DIO2: variants seen among roughly 807,000 people sequenced by gnomAD.
DIO2 encodes the protein iodothyronine deiodinase 2.
In DIO2, 19 loss-of-function variants were observed where a neutral mutation model predicts 21.4. The observed-to-expected ratio is 0.89, with a 90% CI of 0.62 to 1.30. The LOEUF (loss-of-function observed/expected upper bound fraction) is 1.30, where lower values mean the gene tolerates loss of function less well. DIO2 is among the 50% of genes most tolerant of loss of function. The probability of loss-of-function intolerance (pLI) is 0.00; values close to 1 mark genes in which losing one functional copy is unlikely to be tolerated. For synonymous variants in DIO2, 122 were observed against 132.9 expected, an observed-to-expected ratio of 0.92 and a Z score of 0.57; for missense variants, 302 against 338.1, an observed-to-expected ratio of 0.89 and a Z score of 0.84.
intron 2 of DIO2, among the ~76,000 whole-genome samples, chr14:80,220,825 C>T (rs938546447): frequency 6.6e-6 from 1 of 152,134 alleles, no homozygotes; most frequent in African/African-American, 2.4e-5. Flanking sequence ...CGGCTAGAGA[C>T]TTTGAGGATG....
intron 1 of DIO2, among the ~76,000 whole-genome samples, chr14:80,204,151 A>G (rs556178710): frequency 1.3e-5 from 2 of 152,050 alleles, no homozygotes; most frequent in Admixed American, 6.6e-5. Context: ...GGAGGCTTCT[A>G]CTGCCACTGC....
intron 1 of DIO2, among the ~76,000 whole-genome samples, chr14:80,205,198 C>CT (rs552212952): frequency 1.7e-3 from 247 of 148,062 alleles, no homozygotes; most frequent in African/African-American, 3.6e-3. Flanking sequence ...TTTTGTACTT[C>CT]TTTTTTTTTT....
chr14:80,214,977 C>T (rs1410923763), upstream of DIO2, among the ~76,000 whole-genome samples: 2 of 152,104 alleles, frequency 1.3e-5, no homozygotes, highest in East Asian at 3.9e-4. Context: ...AAGTGGTTTG[C>T]TAGTAATTTA....
In DIO2 at chr14:80,198,767, TA is replaced by T. The variant is rs1887587369; in HGVS notation, c.*3921del. ...AACTCTGACTTTTGGCCATACCATT[TA>T]GGGAAAAAAAAAAAAAAAAAAAAAC... On this transcript the variant is annotated 3_prime_UTR_variant, in exon 2 of 2. Coordinates refer to ENST00000438257, the MANE Select transcript of DIO2 (RefSeq NM_013989.5). The T allele has an allele frequency of 1.7e-5, 2 of 115,616 alleles. No individual in the cohort carries two copies. Among genetic ancestry groups the T allele is most frequent in the Admixed American group, 1.0e-4 (1 of 9,824 alleles). 7.2% of individuals were successfully genotyped at this position (115,616 alleles called of 1,614,324 possible).
chr14:80,226,455 T>C (rs193131355), intron 2 of DIO2, among the ~76,000 whole-genome samples: 2 of 152,302 alleles, frequency 1.3e-5, no homozygotes, highest in East Asian at 3.9e-4. Flanking sequence ...GCATGCAGGA[T>C]AGGCAAACTT....
At chr14:80,224,837 C>T (rs1888540171) in intron 2 of DIO2, among the ~76,000 whole-genome samples, 1 of 152,070 alleles carries the variant, frequency 6.6e-6, no homozygotes, top group Non-Finnish European at 1.5e-5. Flanking sequence ...CCTAGAGGGA[C>T]AGAACTAATA....
chr14:80,209,898 T>C (rs1888104911), intron 1 of DIO2, among the ~76,000 whole-genome samples: 1 of 152,274 alleles, frequency 6.6e-6, no homozygotes, highest in Non-Finnish European at 1.5e-5. Flanking sequence ...GAATTCTTTG[T>C]AATTTTACAA....
rs1315414225 is a variant in DIO2, at chr14:80,197,526, T to A, written c.*5163A>T. 6.6e-6 allele frequency: 1 copy of A among 152,518 alleles called. No individual in the cohort carries two copies. Among genetic ancestry groups the A allele is most frequent in the East Asian group, 1.9e-4 (1 of 5,196 alleles). 9.4% of individuals were successfully genotyped at this position (152,518 alleles called of 1,614,324 possible). A position where few individuals can be genotyped will look rare whatever the true frequency, so the allele number is the denominator to read the frequency against. On this transcript the variant is annotated 3_prime_UTR_variant, in exon 2 of 2. Transcript: ENST00000438257. The stretch of plus-strand genomic sequence containing the variant: ...AAAATAAACAAATAGAACCAAAGAG[T>A]AGCTTTATTCTTTTATTCAAAGTTT...
rs890029302 is a variant in DIO2, at chr14:80,202,893, G to A, written c.618C>T (p.Pro206=). 3.1e-6 allele frequency: 5 copies of A among 1,613,956 alleles called. No individual in the cohort carries two copies. Among genetic ancestry groups the A allele is most frequent in the Non-Finnish European group, 4.2e-6 (5 of 1,179,894 alleles). The part of the protein sequence containing the change: ...QQLLERFSLP[P]QCRVVADRMD... ...TGCGGTCAGCCACAACTCGGCACTG[G>A]GGCGGCAAGGAGAAACGCTCCAGAA... The change falls in exon 2 of 2, where the codon CCC becomes CCT. Residue 206 remains proline, a synonymous_variant. Transcript: ENST00000438257.
rs1170347875 is a variant in DIO2 at position 80,202,897 on chromosome 14, G to A, written c.614C>T (p.Pro205Leu). Residue 205 changes from proline to leucine, a missense_variant, in exon 2 of 2, where the codon CCG becomes CTG. Transcript: ENST00000438257. ...GTCAGCCACAACTCGGCACTGGGGC[G>A]GCAAGGAGAAACGCTCCAGAAGCTG... Reference protein sequence around the residue: ...AQQLLERFSLPPQCRVVADRM... With the variant: ...AQQLLERFSLLPQCRVVADRM... The A allele has an allele frequency of 4.3e-6, 7 of 1,613,932 alleles. No homozygotes were observed. The highest frequency in any genetic ancestry group is 5.9e-6 in the Non-Finnish European group (7 of 1,179,886).
chr14:80,206,358 CT>C (rs989780304), intron 1 of DIO2: 4 of 1,403,496 alleles, frequency 2.9e-6, no homozygotes, highest in Non-Finnish European at 3.8e-6. Context: ...AGAAAAAAAA[CT>C]TTTTTTAGAT....
At chr14:80,209,989 T>C (rs974789025) in intron 1 of DIO2, among the ~76,000 whole-genome samples, 3 of 152,320 alleles carry the variant, frequency 2.0e-5, no homozygotes, top group Middle Eastern at 3.4e-3. Context: ...TGCGTCTCTA[T>C]TATTTCGAGT....
chr14:80,210,248 T>G (rs1462671220), intron 1 of DIO2, among the ~76,000 whole-genome samples: 1 of 151,982 alleles, frequency 6.6e-6, no homozygotes, highest in Non-Finnish European at 1.5e-5. Context: ...GCATAGCAGG[T>G]GGGGGAAAAC....
chr14:80,219,629 A>T (rs957312736), intron 2 of DIO2: 2 of 151,968 alleles, frequency 1.3e-5, no homozygotes, highest in Non-Finnish European at 2.9e-5. Context: ...ATGTTTAGAG[A>T]CCAGTAGGAG....
chr14:80,208,370 G>A (rs1888032376), intron 1 of DIO2, among the ~76,000 whole-genome samples: 2 of 151,760 alleles, frequency 1.3e-5, no homozygotes, highest in African/African-American at 2.4e-5. Context: ...TTTTAAGAAA[G>A]GGTTTATTTA....
intron 2 of DIO2, among the ~76,000 whole-genome samples, chr14:80,221,868 C>A (rs905352347): frequency 6.6e-6 from 1 of 152,194 alleles, no homozygotes; most frequent in Non-Finnish European, 1.5e-5. Flanking sequence ...GAGTCATTGA[C>A]CTTGTCCTAC....
chr14:80,201,704 T>C lies in DIO2; in HGVS notation c.*985A>G, dbSNP rs1457708475. The C allele has an allele frequency of 2.6e-5, 4 of 152,268 alleles. No homozygotes were observed. Among genetic ancestry groups the C allele is most frequent in the African/African-American group, 7.2e-5 (3 of 41,458 alleles). The allele number at this position is 152,268 out of a possible 1,614,324, so 9.4% of individuals were successfully genotyped here. On this transcript the variant is annotated 3_prime_UTR_variant, in exon 2 of 2. Coordinates refer to ENST00000438257, the MANE Select transcript of DIO2 (RefSeq NM_013989.5). ...ACCCACTGAAAATATACATACCACA[T>C]ACATGGTTCAAAAGTAATTATTTCC...
At chr14:80,208,861 T>C (rs1888053751) in intron 1 of DIO2, among the ~76,000 whole-genome samples, 1 of 152,160 alleles carries the variant, frequency 6.6e-6, no homozygotes, top group Non-Finnish European at 1.5e-5. Context: ...ATGTTTCCAT[T>C]TATCACACAC....
upstream of DIO2, among the ~76,000 whole-genome samples, chr14:80,215,070 G>A (rs1404315744): frequency 1.3e-5 from 2 of 152,122 alleles, no homozygotes; most frequent in Non-Finnish European, 2.9e-5. Context: ...GATTTCATAT[G>A]TTCTTTCAAA....
Sources: allele counts gnomAD v4.1 joint callset (sites outside exome capture counted in the v4.1 genomes callset), GRCh38; gene constraint gnomAD v4.1.1; transcripts MANE v1.5; gene names NCBI Gene and HGNC (gene_info 2026-07-23, HGNC 2026-07-21).